DNMT3B: variants seen among roughly 807,000 people sequenced by gnomAD.
DNMT3B encodes DNA methyltransferase 3 beta, also known as DNA (cytosine-5)-methyltransferase 3B.
A neutral mutation model predicts 120.2 loss-of-function variants in DNMT3B; 37 were observed. That is an observed-to-expected ratio of 0.31 (90% CI 0.24 to 0.40). The LOEUF (loss-of-function observed/expected upper bound fraction) is 0.40. Ranked by LOEUF, DNMT3B falls within the 10% of genes least tolerant of loss-of-function variation. The probability of loss-of-function intolerance (pLI) is 1.00; values close to 1 mark genes in which losing one functional copy is unlikely to be tolerated. For synonymous variants in DNMT3B, 412 were observed against 442.8 expected (o/e 0.93, Z 0.87); for missense variants, 878 against 1,137.3 (o/e 0.77, Z 3.28).
At chr20:32,767,526 C>T (rs181546261) in intron 1 of DNMT3B, among the ~76,000 whole-genome samples, 52 of 151,898 alleles carry the variant, frequency 3.4e-4, no homozygotes, top group African/African-American at 1.3e-3. Context: ...AACTCCTGGG[C>T]TCATTCCAGT....
chr20:32,763,824 C>T (rs1194570643), intron 1 of DNMT3B, among the ~76,000 whole-genome samples: 1 of 152,162 alleles, frequency 6.6e-6, no homozygotes, highest in African/African-American at 2.4e-5. Flanking sequence ...TCCACCCTCC[C>T]CCGAAGCTGG....
intron 1 of DNMT3B, among the ~76,000 whole-genome samples, chr20:32,773,242 G>T (rs1359994534): frequency 6.6e-6 from 1 of 152,074 alleles, no homozygotes; most frequent in Non-Finnish European, 1.5e-5. Flanking sequence ...GAGTAGCTGG[G>T]ACTATAGGTG....
At chr20:32,780,962 C>G (rs1026088102) in intron 2 of DNMT3B, among the ~76,000 whole-genome samples, 1 of 152,196 alleles carries the variant, frequency 6.6e-6, no homozygotes, top group African/African-American at 2.4e-5. Flanking sequence ...TGAAAGGGTT[C>G]TATTTCTGCA....
At chr20:32,797,159 T>A in intron 13 of DNMT3B, 28 bp from the exon 14 acceptor site, 1 of 1,611,908 alleles carries the variant, frequency 6.2e-7, no homozygotes, top group Non-Finnish European at 8.5e-7. Flanking sequence ...GGTCTCCGAT[T>A]TCACTGGTGT....
At chr20:32,783,499 C>T (rs1415757762) in intron 3 of DNMT3B, among the ~76,000 whole-genome samples, 1 of 151,742 alleles carries the variant, frequency 6.6e-6, no homozygotes, top group Non-Finnish European at 1.5e-5. Flanking sequence ...GTTGGTTTTG[C>T]TCAGAGCCAG....
intron 12 of DNMT3B, 81 bp downstream of exon 12, chr20:32,795,775 T>C (rs976266492): frequency 6.4e-7 from 1 of 1,568,242 alleles, no homozygotes; most frequent in Non-Finnish European, 8.8e-7. Context: ...TCATCCACCC[T>C]GTCAGGGTTT....
At chr20:32,779,624 C>G (rs925156731) in intron 1 of DNMT3B, among the ~76,000 whole-genome samples, 4 of 152,214 alleles carry the variant, frequency 2.6e-5, no homozygotes, top group African/African-American at 9.6e-5. Flanking sequence ...GAGTCCCCCT[C>G]CTGGTAACTG....
At chr20:32,779,013 G>A (rs1191891860) in intron 1 of DNMT3B, among the ~76,000 whole-genome samples, 1 of 152,184 alleles carries the variant, frequency 6.6e-6, no homozygotes, top group African/African-American at 2.4e-5. Flanking sequence ...GCTAGCACGG[G>A]TTGTCTGGCA....
chr20:32,805,506 CCCACGTGA>C, intron 21 of DNMT3B, 99 bp downstream of exon 21: 1 of 1,387,704 alleles, frequency 7.2e-7, no homozygotes. Context: ...TACTCCTCCC[CCCACGTGA>C]CTTCCTGGTG....
At chr20:32,771,905 C>T (rs1293954767) in intron 1 of DNMT3B, among the ~76,000 whole-genome samples, 1 of 152,162 alleles carries the variant, frequency 6.6e-6, no homozygotes, top group East Asian at 1.9e-4. Context: ...GTAAAAGTTA[C>T]ATGGGCTTAA....
rs143795911 is a variant in DNMT3B, at chr20:32,778,135, G to A, written c.-6-2183G>A. Among the ~76,000 whole-genome samples the A allele has an allele frequency of 1.9e-3, 286 of 152,232 alleles. 1 individual carries two copies. The East Asian group carries it at 0.021, about 11-fold the overall frequency. On this transcript the variant is annotated intron_variant, in intron 1 of 22. Transcript: ENST00000328111. The stretch of plus-strand genomic sequence containing the variant: ...GGGCAGATCACGAGGACAAGACATC[G>A]AGACCATCCTGGCCAACATGGTGAA...
chr20:32,795,314 G>C (rs1476849908), intron 10 of DNMT3B, 95 bp from the exon 11 acceptor site: 2 of 1,596,588 alleles, frequency 1.3e-6, no homozygotes, highest in African/African-American at 2.7e-5. Flanking sequence ...CCCAATTGCA[G>C]CTGGTACCCA....
intron 7 of DNMT3B, among the ~76,000 whole-genome samples, chr20:32,789,630 G>C (rs575206840): frequency 6.6e-6 from 1 of 152,310 alleles, no homozygotes; most frequent in African/African-American, 2.4e-5. Context: ...GTCTCACTCT[G>C]TTGCCCAGAC....
intron 3 of DNMT3B, among the ~76,000 whole-genome samples, chr20:32,783,215 C>T (rs367547044): frequency 6.6e-6 from 1 of 152,182 alleles, no homozygotes; most frequent in Non-Finnish European, 1.5e-5. Context: ...GTGTGAGCCA[C>T]CATACCTGGC....
Position 32,796,851 on chromosome 20 carries a change from G to C in DNMT3B, c.1359G>C (p.Gly453=), listed in dbSNP as rs35216603. Residue 453 remains glycine, a synonymous_variant, in exon 13 of 23, where the codon GGG becomes GGC. Transcript: ENST00000328111. ...PVSFHPLFEG[G]LCQTCRDRFL... ...CCTTCCACCCTCTCTTTGAGGGGGG[G>C]CTCTGTCAGACATGCCGGGTAAGTC... is the stretch of plus-strand genomic sequence containing the variant. 1.2e-4 allele frequency: 198 copies of C among 1,614,148 alleles called. No homozygotes were observed. In the African/African-American group the frequency reaches 1.8e-3, roughly 15 times the overall value.
Position 32,796,981 on chromosome 20 carries a change from G to A in DNMT3B, c.1377+112G>A, listed in dbSNP as rs749102361. ...TCAGTGAAGCCCACTCATCCCAGCT[G>A]CCTTGCACTCTGCCTCTGGGGCAGG... On this transcript the variant is annotated intron_variant, in intron 13 of 22. Coordinates refer to ENST00000328111, the MANE Select transcript of DNMT3B (RefSeq NM_006892.4). The A allele has an allele frequency of 2.5e-6, 4 of 1,613,108 alleles. No homozygotes were observed. The African/African-American group carries it at 4.0e-5, about 16-fold the overall frequency.
At chr20:32,774,508 C>CTTT (rs386393640) in intron 1 of DNMT3B, among the ~76,000 whole-genome samples, 1,621 of 98,402 alleles carry the variant, frequency 0.016, 70 homozygotes, top group African/African-American at 0.041. Flanking sequence ...CGCGCCTGGC[C>CTTT]TTTTTTTTTT....
intron 3 of DNMT3B, 105 bp from the exon 4 acceptor site, chr20:32,784,653 C>T: frequency 7.9e-7 from 1 of 1,269,260 alleles, no homozygotes; most frequent in South Asian, 1.3e-5. Flanking sequence ...ACCCGGTCTC[C>T]CTGCCAGGCA....
intron 20 of DNMT3B, among the ~76,000 whole-genome samples, chr20:32,802,955 C>G (rs772475825): frequency 6.6e-6 from 1 of 152,200 alleles, no homozygotes. Context: ...CTCTCCTCCC[C>G]GTTGATGTAG....
Sources: allele counts gnomAD v4.1 joint callset (sites outside exome capture counted in the v4.1 genomes callset), GRCh38; gene constraint gnomAD v4.1.1; transcripts MANE v1.5; gene names NCBI Gene and HGNC (gene_info 2026-07-23, HGNC 2026-07-21).